The following MAX variants were observed in gnomAD, a reference collection of about 807,000 sequenced individuals.
MAX encodes the protein MYC associated transcriptional regulator X.
In MAX, 3 loss-of-function variants were observed where a neutral mutation model predicts 22.3. That is an observed-to-expected ratio of 0.13 (90% CI 0.06 to 0.35). The LOEUF is 0.35. Ranked by LOEUF, MAX falls within the 10% of genes least tolerant of loss-of-function variation. The pLI, the probability that MAX is intolerant of heterozygous loss-of-function variation, is 1.00. For synonymous variants in MAX, 72 were observed against 77.7 expected (o/e 0.93, Z 0.39); for missense variants, 119 against 209.4 (o/e 0.57, Z 2.66).
rs1418876565 is a variant in MAX at position 65,007,225 on chromosome 14, T to G, written c.172-941A>C. On this transcript the variant is annotated intron_variant, in intron 3 of 3. Coordinates refer to the MAX transcript ENST00000341653. The surrounding 1 kb of genome is among the most constrained non-coding windows in gnomAD (Gnocchi z 4.9). ...TTAGAAAATTTATCAGAATTTTAAA[T>G]CATTATCACAGTCTCAATATTTAAC... Among the ~76,000 whole-genome samples the G allele has an allele frequency of 1.3e-5, 2 of 152,228 alleles. No homozygotes were observed. Among genetic ancestry groups the G allele is most frequent in the African/African-American group, 4.8e-5 (2 of 41,452 alleles).
rs1449165034 is a variant in MAX, at chr14:65,076,872, A to C, written c.296-209T>G. ...TTCCCAGCTGGACCTGGGAGCCAGC[A>C]GACACTCTGCAATCCCACCCAACTC... On this transcript the variant is annotated intron_variant, in intron 4 of 4. Coordinates refer to ENST00000358664, the MANE Select transcript of MAX (RefSeq NM_002382.5). This position sits in a 1 kb window ranked among gnomAD's most constrained non-coding sequence, Gnocchi z 6.6. 1 of 650,138 alleles carries C rather than the reference A, an allele frequency of 1.5e-6. No homozygotes were observed. Among genetic ancestry groups the C allele is most frequent in the Non-Finnish European group, 2.8e-6 (1 of 359,474 alleles). 40.3% of individuals were successfully genotyped at this position (650,138 alleles called of 1,614,324 possible).
chr14:65,056,326 T>G (rs1439847031), intron 3 of MAX, among the ~76,000 whole-genome samples: 1 of 152,192 alleles, frequency 6.6e-6, no homozygotes, highest in Non-Finnish European at 1.5e-5. Flanking sequence ...AGTTATCAAT[T>G]TTTTGCTATT....
rs144103187 is a variant in MAX at position 65,027,240 on chromosome 14, C to T, written c.172-20956G>A. 5.8e-4 allele frequency: 437 copies of T among 747,468 alleles called. 1 individual carries two copies. Among genetic ancestry groups the T allele is most frequent in the Admixed American group, 9.5e-4 (30 of 31,722 alleles). The allele number at this position is 747,468 out of a possible 1,614,324, so 46.3% of individuals were successfully genotyped here. Reference sequence around the variant, plus strand: ...TTCATGACCAACAAGCGCTTAAGTACGAAACTCAGAGGAGGGCAGACAGAA... The same window carrying T: ...TTCATGACCAACAAGCGCTTAAGTATGAAACTCAGAGGAGGGCAGACAGAA... On this transcript the variant is annotated intron_variant, in intron 3 of 3. Transcript: ENST00000341653. This position sits in a 1 kb window ranked among gnomAD's most constrained non-coding sequence, Gnocchi z 5.7.
At position 65,093,450 on chromosome 14, in the gene MAX, TAC is replaced by T. The variant is rs2063572442; in HGVS notation, c.171+256_171+257del. The stretch of plus-strand genomic sequence containing the variant: ...TATAGTTATAATTTCTTGAATTTAT[TAC>T]AAATAATACAAATTTTAAAAGATAA... On this transcript the variant is annotated intron_variant, in intron 3 of 4. Transcript: ENST00000358664. This position sits in a 1 kb window ranked among gnomAD's most constrained non-coding sequence, Gnocchi z 4.4. The T allele has an allele frequency of 2.0e-6, 1 of 490,020 alleles. No homozygotes were observed. Among genetic ancestry groups the T allele is most frequent in the Non-Finnish European group, 3.7e-6 (1 of 268,918 alleles). 30.4% of individuals were successfully genotyped at this position (490,020 alleles called of 1,614,324 possible).
intron 3 of MAX, among the ~76,000 whole-genome samples, chr14:65,034,138 A>G (rs914135199): frequency 6.6e-6 from 1 of 152,174 alleles, no homozygotes; most frequent in African/African-American, 2.4e-5. Context: ...AACATAGTCA[A>G]ACCCTTCAGG....
chr14:65,091,558 T>C (rs2063509663), intron 3 of MAX, among the ~76,000 whole-genome samples: 1 of 152,174 alleles, frequency 6.6e-6, no homozygotes, highest in African/African-American at 2.4e-5. Flanking sequence ...CTCTACCCAC[T>C]CTGGCCTCTG....
chr14:65,058,222 GTTT>G (rs984712073), intron 3 of MAX, among the ~76,000 whole-genome samples: 4 of 139,726 alleles, frequency 2.9e-5, no homozygotes, highest in African/African-American at 1.1e-4. Flanking sequence ...GTCTTTCAGT[GTTT>G]TTTTTATAAT....
rs2062964752 is a variant in MAX at position 65,069,486 on chromosome 14, G to A, written c.171+24222C>T. 6.6e-6 allele frequency among the ~76,000 whole-genome samples: 1 copy of A among 152,230 alleles called. No individual in the cohort carries two copies. Among genetic ancestry groups the A allele is most frequent in the African/African-American group, 2.4e-5 (1 of 41,458 alleles). On this transcript the variant is annotated intron_variant, in intron 3 of 3. Coordinates refer to the MAX transcript ENST00000341653. The surrounding 1 kb of genome is among the most constrained non-coding windows in gnomAD (Gnocchi z 4.6). ...TCATCTCTAAGCTTCTTCAAGGCAA[G>A]GCCCAGCCTTTATAAGCTGCCTAGA...
intron 3 of MAX, among the ~76,000 whole-genome samples, chr14:65,040,365 T>G (rs2062321140): frequency 6.6e-6 from 1 of 150,968 alleles, no homozygotes; most frequent in Admixed American, 6.6e-5. Context: ...CAAAGAGTAA[T>G]AATTTGAATT....
At chr14:65,074,931 C>G (rs542807124), downstream of MAX, among the ~76,000 whole-genome samples, 2 of 152,302 alleles carry the variant, frequency 1.3e-5, no homozygotes, top group Non-Finnish European at 2.9e-5. Flanking sequence ...ACAAAGCCAT[C>G]ACCACCCATT....
chr14:65,029,095 G>C lies in MAX; in HGVS notation c.172-22811C>G, dbSNP rs577204828. 6.6e-6 allele frequency among the ~76,000 whole-genome samples: 1 copy of C among 152,156 alleles called. No individual in the cohort carries two copies. The highest frequency in any genetic ancestry group is 2.1e-4 in the South Asian group (1 of 4,816). On this transcript the variant is annotated intron_variant, in intron 3 of 3. Coordinates refer to the MAX transcript ENST00000341653. This position sits in a 1 kb window ranked among gnomAD's most constrained non-coding sequence, Gnocchi z 4.7. ...TCCAGTAAGGCAGCTTGGTTCCCCT[G>C]CCAAGCACTGTAGCCATATTCTTCC...
intron 3 of MAX, among the ~76,000 whole-genome samples, chr14:65,049,917 T>C (rs139928174): frequency 1.2e-3 from 186 of 152,244 alleles, no homozygotes; most frequent in African/African-American, 4.2e-3. Context: ...TTAAATATTT[T>C]CTTAAAAAGG....
Position 65,027,735 on chromosome 14 carries a change from C to G in MAX, c.172-21451G>C. On this transcript the variant is annotated intron_variant, in intron 3 of 3. Transcript: ENST00000341653. This position sits in a 1 kb window ranked among gnomAD's most constrained non-coding sequence, Gnocchi z 5.7. ...TCAGTATTTGTACTCCCTGAAGCAA[C>G]CTGACGGCTCCTTTCTCATGCATGT... The G allele has an allele frequency of 6.2e-7, 1 of 1,614,196 alleles. No individual in the cohort carries two copies.
intron 1 of MAX, among the ~76,000 whole-genome samples, chr14:65,101,893 C>A (rs2063854538): frequency 6.6e-6 from 1 of 152,326 alleles, no homozygotes; most frequent in Admixed American, 6.5e-5. Context: ...CCCCGGCCCC[C>A]AGGATCCGCG....
downstream of MAX, chr14:65,006,108 T>G (rs1022655153): frequency 2.2e-5 from 35 of 1,589,338 alleles, no homozygotes; most frequent in Non-Finnish European, 3.0e-5. Flanking sequence ...GTACTTCTGC[T>G]TACTGGAACA....
chr14:65,009,547 C>G lies in MAX; in HGVS notation c.172-3263G>C, dbSNP rs140726272. Among the ~76,000 whole-genome samples, 5 of 152,114 alleles carry G rather than the reference C, an allele frequency of 3.3e-5. No homozygotes were observed. The highest frequency in any genetic ancestry group is 1.2e-4 in the African/African-American group (5 of 41,404). ...CGCTAGCTTCGTACCCATCATTTCT[C>G]GCTCAAAGAATGCAGCATCCTTCCT... On this transcript the variant is annotated intron_variant, in intron 3 of 3. Coordinates refer to the MAX transcript ENST00000341653. The surrounding 1 kb of genome is among the most constrained non-coding windows in gnomAD (Gnocchi z 4.2).
Position 65,027,669 on chromosome 14 carries a change from C to G in MAX, c.172-21385G>C, listed in dbSNP as rs750246815. On this transcript the variant is annotated intron_variant, in intron 3 of 3. Transcript: ENST00000341653. The surrounding 1 kb of genome is among the most constrained non-coding windows in gnomAD (Gnocchi z 5.7). ...GCCTGCTGACACGCACTGACTGTTG[C>G]CTCTCCTACCTCTTTCCCTGTTTCT... The G allele has an allele frequency of 6.2e-7, 1 of 1,614,126 alleles. No individual in the cohort carries two copies. Among genetic ancestry groups the G allele is most frequent in the South Asian group, 1.1e-5 (1 of 91,078 alleles).
intron 3 of MAX, among the ~76,000 whole-genome samples, chr14:65,059,177 C>T (rs1405139195): frequency 1.3e-5 from 2 of 152,108 alleles, no homozygotes; most frequent in Admixed American, 1.3e-4. Context: ...TGCACACCAC[C>T]AGAACCTGCT....
In MAX at chr14:65,079,341, C is replaced by A. The variant is rs2063145727; in HGVS notation, c.172-1305G>T. Among the ~76,000 whole-genome samples the A allele has an allele frequency of 6.6e-6, 1 of 152,232 alleles. No individual in the cohort carries two copies. Among genetic ancestry groups the A allele is most frequent in the South Asian group, 2.1e-4 (1 of 4,834 alleles). ...TGGGCCATTTCAGGAAACAACCACA[C>A]CTCTACAATGGCTGTGGGTTGCCTG... On this transcript the variant is annotated intron_variant, in intron 3 of 4. Coordinates refer to ENST00000358664, the MANE Select transcript of MAX (RefSeq NM_002382.5). The surrounding 1 kb of genome is among the most constrained non-coding windows in gnomAD (Gnocchi z 4.5).
Sources: allele counts gnomAD v4.1 joint callset (sites outside exome capture counted in the v4.1 genomes callset), GRCh38; gene constraint gnomAD v4.1.1; non-coding constraint Gnocchi (gnomAD v3.1); transcripts MANE v1.5; gene names NCBI Gene and HGNC (gene_info 2026-07-23, HGNC 2026-07-21).